LMO7: variants seen among roughly 807,000 people sequenced by gnomAD.
The protein encoded by LMO7 is LIM domain 7.
In LMO7, 120 loss-of-function variants were observed where a neutral mutation model predicts 206.5. The ratio of observed to expected loss-of-function variants is 0.58; its 90% confidence interval spans 0.50 to 0.68. LMO7 has a LOEUF of 0.68. LMO7 is among the 30% of genes least tolerant of loss of function. The pLI, the probability that LMO7 is intolerant of heterozygous loss-of-function variation, is 0.00. For missense variants in LMO7, 1,959 were observed against 1,957.9 expected (o/e 1.00, Z -0.01); for synonymous variants, 706 against 681.5 (o/e 1.04, Z -0.56).
chr13:75,717,406 T>C (rs1047750966), intron 2 of LMO7, among the ~76,000 whole-genome samples: 9 of 150,712 alleles, frequency 6.0e-5, no homozygotes, highest in Non-Finnish European at 1.3e-4. Context: ...AACACAACTC[T>C]TCTCTCACTG....
intron 2 of LMO7, among the ~76,000 whole-genome samples, chr13:75,720,798 T>C (rs1012222387): frequency 1.2e-4 from 18 of 152,224 alleles, no homozygotes; most frequent in African/African-American, 4.3e-4. Flanking sequence ...TGTTAACTTT[T>C]ACTGTGTGTT....
intron 1 of LMO7, among the ~76,000 whole-genome samples, chr13:75,705,505 G>T (rs943514269): frequency 2.0e-5 from 3 of 152,164 alleles, no homozygotes; most frequent in Non-Finnish European, 4.4e-5. Context: ...ACAAGGCAGG[G>T]TGTGGCTGTT....
chr13:75,828,281 G>T (rs534443473), intron 15 of LMO7, among the ~76,000 whole-genome samples: 1 of 152,104 alleles, frequency 6.6e-6, no homozygotes, highest in Non-Finnish European at 1.5e-5. Flanking sequence ...TATTATCCCC[G>T]TTTTTACCAA....
intron 1 of LMO7, among the ~76,000 whole-genome samples, chr13:75,670,414 C>A (rs1159225898): frequency 1.3e-5 from 2 of 152,086 alleles, no homozygotes; most frequent in Non-Finnish European, 2.9e-5. Context: ...TGTGTAACAT[C>A]GTAGAGTGTA....
intron 1 of LMO7, among the ~76,000 whole-genome samples, chr13:75,686,900 T>C (rs1022714675): frequency 7.9e-5 from 12 of 152,080 alleles, no homozygotes; most frequent in African/African-American, 2.4e-4. Flanking sequence ...CCATGCGTCC[T>C]CACATAGCAG....
In LMO7 at chr13:75,858,017, T is replaced by C. The variant is rs370695495; in HGVS notation, c.*74T>C. The C allele has an allele frequency of 1.0e-4, 159 of 1,560,922 alleles. No individual in the cohort carries two copies. In the African/African-American group the frequency reaches 1.9e-3, roughly 19 times the overall value. On this transcript the variant is annotated 3_prime_UTR_variant, in exon 31 of 31. Coordinates refer to ENST00000377534, the MANE Select transcript of LMO7 (RefSeq NM_001306080.2). ...TGCTGCTCATGTAGATCTATAAATA[T>C]GTGTTGTATGTCTTTTTTGCTTTTT...
rs201658036 is a variant in LMO7, at chr13:75,732,247, C to G, written c.210+5149C>G. Among the ~76,000 whole-genome samples, 177 of 152,348 alleles carry G rather than the reference C, an allele frequency of 1.2e-3. 2 individuals are homozygous for G. In the East Asian group the frequency reaches 0.033, roughly 28 times the overall value. ...TCCAACTTGGTTCCATTCTCCCCGT[C>G]ACTTTCAGGTACACCAGTCAGACAT... On this transcript the variant is annotated intron_variant, in intron 3 of 30. Coordinates refer to ENST00000377534, the MANE Select transcript of LMO7 (RefSeq NM_001306080.2).
At chr13:75,697,655 G>A (rs1221178442) in intron 1 of LMO7, among the ~76,000 whole-genome samples, 1 of 152,088 alleles carries the variant, frequency 6.6e-6, no homozygotes, top group East Asian at 1.9e-4. Context: ...ATCTTGAAAG[G>A]GAACATGTGT....
intron 7 of LMO7, among the ~76,000 whole-genome samples, chr13:75,801,913 CATG>C (rs1206363272): frequency 6.6e-6 from 1 of 152,070 alleles, no homozygotes; most frequent in Non-Finnish European, 1.5e-5. Flanking sequence ...CTAATTCCAC[CATG>C]ATGTTTTACT....
chr13:75,848,466 T>TCTATCTATCTAA (rs1195751426), intron 26 of LMO7, among the ~76,000 whole-genome samples: 2 of 151,936 alleles, frequency 1.3e-5, no homozygotes, highest in African/African-American at 2.4e-5. Context: ...TATCTATCTA[T>TCTATCTATCTAA]CTAACTATCT....
rs772657552 is a variant in LMO7, at chr13:75,808,194, G to A, written c.1911G>A (p.Val637=). ...TTAGGCACAAGAAAAGGCTGATGGT[G>A]GAGAGGTCAGAGTGTGTTTCTGCAA... is the stretch of plus-strand genomic sequence containing the variant. ...SRLRHKKRLM[V]ERLFQKIYGE... is the part of the protein sequence containing the mutation. Residue 637 remains valine, a synonymous_variant, in exon 10 of 31, where the codon GTG becomes GTA. Transcript: ENST00000377534. 30 of 1,610,274 alleles carry A rather than the reference G, an allele frequency of 1.9e-5. No individual in the cohort carries two copies. Among genetic ancestry groups the A allele is most frequent in the Non-Finnish European group, 2.2e-5 (26 of 1,177,806 alleles).
chr13:75,647,256 C>T (rs1280660846), intron 1 of LMO7, among the ~76,000 whole-genome samples: 1 of 152,120 alleles, frequency 6.6e-6, no homozygotes, highest in Non-Finnish European at 1.5e-5. Flanking sequence ...CCTTTTAATT[C>T]TTTATACTTG....
chr13:75,727,917 T>C (rs1485115265), intron 3 of LMO7, among the ~76,000 whole-genome samples: 1 of 152,088 alleles, frequency 6.6e-6, no homozygotes, highest in African/African-American at 2.4e-5. Context: ...AGAATGATGG[T>C]TTCCAGTTTC....
chr13:75,628,180 A>G (rs1364245810), intron 2 of LMO7: 3 of 152,234 alleles, frequency 2.0e-5, no homozygotes, highest in African/African-American at 7.2e-5. Context: ...GCTTCAGAAG[A>G]CAAATTTAGG....
At chr13:75,678,414 T>C (rs2040207882) in intron 1 of LMO7, among the ~76,000 whole-genome samples, 1 of 152,234 alleles carries the variant, frequency 6.6e-6, no homozygotes, top group South Asian at 2.1e-4. Flanking sequence ...TTTTCATGTG[T>C]CTTTTGGCTG....
chr13:75,838,209 G>A lies in LMO7; in HGVS notation c.3451+13G>A, dbSNP rs367556300. On this transcript the variant is annotated intron_variant, in intron 20 of 30. Coordinates refer to ENST00000377534, the MANE Select transcript of LMO7 (RefSeq NM_001306080.2). Reference sequence around the variant, plus strand: ...TTTTTTGAACAAGGTAAACCACAAAGCTAACAATTCATGCACTTTCATGGA... The same window carrying A: ...TTTTTTGAACAAGGTAAACCACAAAACTAACAATTCATGCACTTTCATGGA... The A allele has an allele frequency of 1.2e-6, 2 of 1,601,996 alleles. No individual in the cohort carries two copies. Among genetic ancestry groups the A allele is most frequent in the South Asian group, 2.2e-5 (2 of 90,724 alleles).
intron 1 of LMO7, among the ~76,000 whole-genome samples, chr13:75,677,541 C>G (rs1377046504): frequency 2.6e-5 from 4 of 151,906 alleles, no homozygotes; most frequent in Non-Finnish European, 5.9e-5. Context: ...CAGCCAAATA[C>G]ATAATCCAGC....
intron 3 of LMO7, among the ~76,000 whole-genome samples, chr13:75,741,005 G>GGT (rs1415223705): frequency 6.6e-6 from 1 of 152,030 alleles, no homozygotes; most frequent in Non-Finnish European, 1.5e-5. Flanking sequence ...ATCAGACCTT[G>GGT]GTGTTTCGTT....
intron 15 of LMO7, among the ~76,000 whole-genome samples, chr13:75,825,093 T>C (rs2057987658): frequency 1.3e-5 from 2 of 152,188 alleles, no homozygotes; most frequent in African/African-American, 4.8e-5. Flanking sequence ...TGTTTTTTTT[T>C]CCCATGCATA....
Sources: gnomAD v4.1 joint callset for allele counts (sites outside exome capture counted in the v4.1 genomes callset) on GRCh38, gnomAD v4.1.1 for gene constraint, MANE v1.5 for transcripts, NCBI Gene and HGNC (gene_info 2026-07-23, HGNC 2026-07-21) for gene names.